The following PCDH9 variants were observed in gnomAD, a reference collection of about 807,000 sequenced individuals.
The protein encoded by PCDH9 is protocadherin-9.
A neutral mutation model predicts 70.6 loss-of-function variants in PCDH9; 24 were observed. The ratio of observed to expected loss-of-function variants is 0.34; its 90% CI spans 0.25 to 0.48. The LOEUF (loss-of-function observed/expected upper bound fraction) is 0.48. PCDH9 is among the 20% of genes least tolerant of loss of function. The pLI is 0.99. For synonymous variants in PCDH9, 562 were observed against 558.5 expected, an observed-to-expected ratio of 1.01 and a Z score of -0.09; for missense variants, 1,281 against 1,503.6, an observed-to-expected ratio of 0.85 and a Z score of 2.45.
chr13:66,829,285 G>C (rs2080881446), intron 3 of PCDH9, among the ~76,000 whole-genome samples: 1 of 152,164 alleles, frequency 6.6e-6, no homozygotes, highest in Non-Finnish European at 1.5e-5. Context: ...CCAAAGTGTT[G>C]AGATTACAGG....
rs561669677 is a variant in PCDH9, at chr13:66,536,437, T to A, written c.3340+94773A>T. ...CTTAATTTTTTGCACTTTTAGAAAATTTTTGTTGTGTTCTTATTTTATATC... is the reference window on the plus strand; with the variant it reads ...CTTAATTTTTTGCACTTTTAGAAAAATTTTGTTGTGTTCTTATTTTATATC... On this transcript the variant is annotated intron_variant, in intron 4 of 4. Transcript: ENST00000377865. Among the ~76,000 whole-genome samples, 52 of 152,166 alleles carry A rather than the reference T, an allele frequency of 3.4e-4. 1 individual carries two copies. Among genetic ancestry groups the A allele is most frequent in the African/African-American group, 1.3e-3 (52 of 41,510 alleles).
intron 2 of PCDH9, among the ~76,000 whole-genome samples, chr13:66,955,832 A>T (rs2083258209): frequency 6.6e-6 from 1 of 152,166 alleles, no homozygotes; most frequent in Non-Finnish European, 1.5e-5. Flanking sequence ...TTGTTATGCA[A>T]ATATAAGAAC....
intron 3 of PCDH9, among the ~76,000 whole-genome samples, chr13:66,840,731 T>C (rs1375828256): frequency 6.6e-6 from 1 of 152,234 alleles, no homozygotes; most frequent in Non-Finnish European, 1.5e-5. Flanking sequence ...TGAGTATTTC[T>C]GTTGTACATC....
intron 2 of PCDH9, among the ~76,000 whole-genome samples, chr13:66,963,785 C>T (rs1594319772): frequency 1.3e-5 from 2 of 152,128 alleles, no homozygotes; most frequent in African/African-American, 4.8e-5. Context: ...AATAAGTCAA[C>T]GTCCAATGAA....
chr13:66,753,853 G>T (rs1566171505), intron 3 of PCDH9, among the ~76,000 whole-genome samples: 1 of 152,128 alleles, frequency 6.6e-6, no homozygotes, highest in Non-Finnish European at 1.5e-5. Context: ...ATCAAATCAA[G>T]TGACAAAAAC....
rs529956696 is a variant in PCDH9 at position 66,401,360 on chromosome 13, T to C, written c.3341-96332A>G. On this transcript the variant is annotated intron_variant, in intron 4 of 4. Transcript: ENST00000377865. ...TCTGATGGTTTTATGAGTTTTTTTT[T>C]CCCCCCCTTTGCTCATTCTTCTCAT... 1.6e-3 allele frequency among the ~76,000 whole-genome samples: 228 copies of C among 138,718 alleles called. 1 individual carries two copies. Among genetic ancestry groups the C allele is most frequent in the Middle Eastern group, 3.6e-3 (1 of 278 alleles). 91.0% of individuals were successfully genotyped at this position (138,718 alleles called of 152,430 possible).
intron 4 of PCDH9, among the ~76,000 whole-genome samples, chr13:66,564,325 C>T (rs2076620688): frequency 6.8e-6 from 1 of 147,126 alleles, no homozygotes; most frequent in Non-Finnish European, 1.5e-5. Flanking sequence ...CCACTATGCA[C>T]AGCTGATTTT....
At chr13:66,692,521 G>C (rs1267594472) in intron 3 of PCDH9, among the ~76,000 whole-genome samples, 1 of 151,924 alleles carries the variant, frequency 6.6e-6, no homozygotes, top group Non-Finnish European at 1.5e-5. Context: ...TTGTTCTTAA[G>C]ATATTTAATT....
intron 2 of PCDH9, among the ~76,000 whole-genome samples, chr13:67,173,188 G>T (rs1174422354): frequency 1.3e-5 from 2 of 152,106 alleles, no homozygotes; most frequent in Admixed American, 6.6e-5. Context: ...AAAGCAAGAG[G>T]AGGGAGGATT....
At chr13:66,636,549 TG>T (rs1382163662) in intron 3 of PCDH9, among the ~76,000 whole-genome samples, 2 of 152,122 alleles carry the variant, frequency 1.3e-5, no homozygotes, top group Non-Finnish European at 2.9e-5. Context: ...TATTGTCCAA[TG>T]GAATGTTATA....
At chr13:66,804,676 T>C (rs750984781) in intron 3 of PCDH9, among the ~76,000 whole-genome samples, 3 of 152,206 alleles carry the variant, frequency 2.0e-5, no homozygotes, top group Non-Finnish European at 2.9e-5. Context: ...GTTCTTATCA[T>C]AGCTCTTATA....
chr13:67,138,321 G>A (rs2138349303), intron 2 of PCDH9, among the ~76,000 whole-genome samples: 1 of 152,246 alleles, frequency 6.6e-6, no homozygotes, highest in East Asian at 1.9e-4. Flanking sequence ...ACACAATACA[G>A]GGTGCCCATT....
intron 3 of PCDH9, among the ~76,000 whole-genome samples, chr13:66,796,484 T>C (rs1442001): frequency 0.95 from 144,876 of 152,230 alleles, 69,398 homozygotes; most frequent in East Asian, 1. Context: ...CTTCCTCAAA[T>C]TAGTTGGCTT....
intron 2 of PCDH9, among the ~76,000 whole-genome samples, chr13:67,121,552 A>T (rs956812696): frequency 6.6e-6 from 1 of 152,198 alleles, no homozygotes; most frequent in Non-Finnish European, 1.5e-5. Flanking sequence ...ATTACTTTGT[A>T]TCACACTTAC....
At chr13:66,895,750 C>A (rs183901729) in intron 3 of PCDH9, among the ~76,000 whole-genome samples, 1 of 152,340 alleles carries the variant, frequency 6.6e-6, no homozygotes, top group African/African-American at 2.4e-5. Context: ...GGGTTCCACA[C>A]TCATCCAACA....
intron 3 of PCDH9, among the ~76,000 whole-genome samples, chr13:66,835,572 C>T (rs1172907341): frequency 6.6e-6 from 1 of 152,098 alleles, no homozygotes; most frequent in Non-Finnish European, 1.5e-5. Flanking sequence ...CTATTTTTGC[C>T]CACTGAATCT....
chr13:66,878,208 A>G (rs1276100890), intron 3 of PCDH9, among the ~76,000 whole-genome samples: 1 of 151,382 alleles, frequency 6.6e-6, no homozygotes, highest in Non-Finnish European at 1.5e-5. Flanking sequence ...TTTTATTATT[A>G]TTATTTTATT....
intron 4 of PCDH9, among the ~76,000 whole-genome samples, chr13:66,317,360 G>T (rs1566236796): frequency 6.6e-6 from 1 of 152,114 alleles, no homozygotes; most frequent in Non-Finnish European, 1.5e-5. Context: ...ACTTTGGTAA[G>T]AATTTATAGC....
intron 4 of PCDH9, among the ~76,000 whole-genome samples, chr13:66,383,309 A>T (rs550237023): frequency 6.6e-6 from 1 of 152,220 alleles, no homozygotes; most frequent in African/African-American, 2.4e-5. Flanking sequence ...TTACTCTCAT[A>T]ACATTGGTTT....
Sources: gnomAD v4.1 joint callset for allele counts (sites outside exome capture counted in the v4.1 genomes callset) on GRCh38, gnomAD v4.1.1 for gene constraint, MANE v1.5 for transcripts, NCBI Gene and HGNC (gene_info 2026-07-23, HGNC 2026-07-21) for gene names.